The following DGKB variants were observed in gnomAD, a reference collection of about 807,000 sequenced individuals.
DGKB encodes 90 kDa diacylglycerol kinase.
In DGKB, 67 loss-of-function variants were observed where a neutral mutation model predicts 114.3. The ratio of observed to expected loss-of-function variants is 0.59; its 90% CI spans 0.48 to 0.72. The LOEUF (loss-of-function observed/expected upper bound fraction) is 0.72. Among genes scored for constraint, DGKB ranks in the 30% least tolerant of loss-of-function variants. The pLI is 0.00. For synonymous variants in DGKB, 398 were observed against 323.1 expected (o/e 1.23, Z -2.49); for missense variants, 907 against 975.2 (o/e 0.93, Z 0.93).
chr7:14,298,322 T>C (rs1043759641), intron 23 of DGKB, among the ~76,000 whole-genome samples: 6 of 152,100 alleles, frequency 3.9e-5, no homozygotes, highest in African/African-American at 1.4e-4. Context: ...AAGGCTACAT[T>C]AACCAAAACA....
At chr7:14,157,379 T>TTC (rs1176250936) in intron 25 of DGKB, among the ~76,000 whole-genome samples, 1 of 151,586 alleles carries the variant, frequency 6.6e-6, no homozygotes, top group Non-Finnish European at 1.5e-5. Flanking sequence ...TTGCCAGTTT[T>TTC]TTTTTTTTTT....
In DGKB at chr7:14,620,984, T is replaced by A. The variant is rs1807527943; in HGVS notation, c.1284+394A>T. Among the ~76,000 whole-genome samples the A allele has an allele frequency of 2.6e-5, 4 of 151,694 alleles. 1 individual carries two copies. The South Asian group carries it at 8.3e-4, about 31-fold the overall frequency. On this transcript the variant is annotated intron_variant, in intron 15 of 25. Coordinates refer to ENST00000402815, the MANE Select transcript of DGKB (RefSeq NM_001350709.2). ...ATTCAGAGTTCATTTTCTTCTTTCCTAAAGTCTTTTTTGCTATCAGAGTGA... is the reference window on the plus strand; with the variant it reads ...ATTCAGAGTTCATTTTCTTCTTTCCAAAAGTCTTTTTTGCTATCAGAGTGA...
intron 13 of DGKB, among the ~76,000 whole-genome samples, chr7:14,637,594 T>C (rs1449536947): frequency 6.6e-6 from 1 of 151,456 alleles, no homozygotes; most frequent in African/African-American, 2.4e-5. Flanking sequence ...TTCAAAAATA[T>C]GTTTTATATA....
intron 25 of DGKB, among the ~76,000 whole-genome samples, chr7:14,169,384 G>T: frequency 1.6e-5 from 2 of 127,020 alleles, no homozygotes; most frequent in East Asian, 4.3e-4. Flanking sequence ...AAAAAAAAAA[G>T]AAATGCAAAC....
At chr7:14,626,023 A>G (rs1482564952) in intron 14 of DGKB, among the ~76,000 whole-genome samples, 1 of 152,172 alleles carries the variant, frequency 6.6e-6, no homozygotes, top group East Asian at 1.9e-4. Context: ...AGAAAAGCCA[A>G]AAAGACCATT....
chr7:14,970,626 A>T (rs1787409059), intron 1 of DGKB, among the ~76,000 whole-genome samples: 1 of 152,126 alleles, frequency 6.6e-6, no homozygotes, highest in East Asian at 1.9e-4. Flanking sequence ...CGTGTCATCA[A>T]TCACAAAGTG....
chr7:14,740,717 T>C (rs1374389014), intron 4 of DGKB, among the ~76,000 whole-genome samples: 3 of 151,996 alleles, frequency 2.0e-5, no homozygotes, highest in Non-Finnish European at 4.4e-5. Context: ...TGGCATAAAT[T>C]AGGTGTAGGG....
chr7:14,694,164 A>G lies in DGKB; in HGVS notation c.622T>C (p.Tyr208His). Residue 208 changes from tyrosine to histidine, a missense_variant, in exon 9 of 26, where the codon TAT (tyrosine) becomes CAT (histidine). Physicochemically the swap from Tyr to His is moderately conservative, Grantham distance 83 (BLOSUM62 2). Coordinates refer to ENST00000402815, the MANE Select transcript of DGKB (RefSeq NM_001350709.2). Reference sequence around the variant, plus strand: ...AGAGACACGGTTCCATCATGATCATAGTCAATTTCTTCCATCATTTCATGG... The same window carrying G: ...AGAGACACGGTTCCATCATGATCATGGTCAATTTCTTCCATCATTTCATGG... ...ILHEMMEEID[Y>H]DHDGTVSLEE... 6.3e-7 allele frequency: 1 copy of G among 1,581,402 alleles called. No individual in the cohort carries two copies. The highest frequency in any genetic ancestry group is 8.6e-7 in the Non-Finnish European group (1 of 1,161,894).
At chr7:14,858,526 C>T (rs1403279327) in intron 1 of DGKB, among the ~76,000 whole-genome samples, 1 of 152,024 alleles carries the variant, frequency 6.6e-6, no homozygotes, top group Non-Finnish European at 1.5e-5. Context: ...AGATATTGCC[C>T]TGTGGAGCAG....
chr7:14,726,408 C>T (rs891410841), intron 5 of DGKB, among the ~76,000 whole-genome samples: 4 of 152,164 alleles, frequency 2.6e-5, no homozygotes, highest in African/African-American at 9.7e-5. Context: ...GCTGGGATTA[C>T]AGACGTGAGC....
chr7:14,818,892 G>C (rs539038661), intron 2 of DGKB, among the ~76,000 whole-genome samples: 6 of 152,300 alleles, frequency 3.9e-5, no homozygotes, highest in Admixed American at 6.5e-5. Flanking sequence ...TGGAAGCACC[G>C]AGGTTTGAAG....
In DGKB at chr7:14,868,134, A is replaced by T. The variant is rs1051609199; in HGVS notation, c.-187-26684T>A. On this transcript the variant is annotated intron_variant, in intron 1 of 25. Transcript: ENST00000402815. ...ACTAGACCTTCTTCTTCTGGCTCTG[A>T]TGTAACCAAGAACCCTCCTAGGGTC... 9.2e-5 allele frequency among the ~76,000 whole-genome samples: 14 copies of T among 152,100 alleles called. No homozygotes were observed. The South Asian group carries it at 2.5e-3, about 27-fold the overall frequency.
intron 23 of DGKB, among the ~76,000 whole-genome samples, chr7:14,267,061 T>A (rs1797618242): frequency 6.6e-6 from 1 of 152,256 alleles, no homozygotes; most frequent in African/African-American, 2.4e-5. Flanking sequence ...AATGAATACA[T>A]GTCTTTGTGT....
At chr7:14,894,818 T>G (rs1487835515) in intron 1 of DGKB, among the ~76,000 whole-genome samples, 2 of 151,594 alleles carry the variant, frequency 1.3e-5, no homozygotes, top group Non-Finnish European at 3.0e-5. Flanking sequence ...ATAGAGTACA[T>G]TCAAAGCCAG....
chr7:14,260,579 A>AAAAT (rs747907223), intron 23 of DGKB, among the ~76,000 whole-genome samples: 1 of 152,318 alleles, frequency 6.6e-6, no homozygotes, highest in East Asian at 1.9e-4. Flanking sequence ...TGCAACTAAT[A>AAAAT]AAATAAGGCA....
At chr7:14,647,313 A>G (rs1014404642) in intron 13 of DGKB, among the ~76,000 whole-genome samples, 3 of 152,134 alleles carry the variant, frequency 2.0e-5, no homozygotes, top group Admixed American at 2.0e-4. Context: ...CTGAATCAGA[A>G]ATAAAAAGTC....
At chr7:14,279,643 C>T (rs1474872305) in intron 23 of DGKB, among the ~76,000 whole-genome samples, 2 of 152,108 alleles carry the variant, frequency 1.3e-5, no homozygotes, top group African/African-American at 4.8e-5. Context: ...TGATGGGCTT[C>T]CCTTTGAGGG....
At chr7:14,781,156 C>G (rs866145344) in intron 2 of DGKB, among the ~76,000 whole-genome samples, 1 of 152,174 alleles carries the variant, frequency 6.6e-6, no homozygotes, top group African/African-American at 2.4e-5. Flanking sequence ...GGTAACGTTT[C>G]CCTTAAGATG....
intron 5 of DGKB, among the ~76,000 whole-genome samples, chr7:14,722,294 AT>A (rs1354291699): frequency 6.6e-6 from 1 of 151,882 alleles, no homozygotes. Context: ...TGAACCTTTC[AT>A]TTTCTCCCGG....
Sources: allele counts gnomAD v4.1 joint callset (sites outside exome capture counted in the v4.1 genomes callset), GRCh38; gene constraint gnomAD v4.1.1; transcripts MANE v1.5; gene names NCBI Gene and HGNC (gene_info 2026-07-23, HGNC 2026-07-21).